Variants in RIOX2 observed in about 807,000 individuals in gnomAD.
RIOX2 encodes ribosomal oxygenase 2.
A neutral mutation model predicts 51.2 loss-of-function variants in RIOX2; 43 were observed. The observed-to-expected ratio is 0.84, with a 90% CI of 0.66 to 1.08. RIOX2 has a LOEUF of 1.08. RIOX2 is among the 50% of genes least tolerant of loss of function. RIOX2 has a pLI of 0.00. For synonymous variants in RIOX2, 226 were observed against 218.5 expected (o/e 1.03, Z -0.30); for missense variants, 566 against 561.7 (o/e 1.01, Z -0.08).
Position 97,959,172 on chromosome 3 carries a change from A to T in RIOX2, c.560T>A (p.Ile187Asn). The change falls in exon 4 of 10, where the codon ATC (isoleucine) becomes AAC (asparagine). Residue 187 changes from isoleucine (I) to asparagine (N), a missense_variant. By Grantham distance (149) the Ile-to-Asn change is moderately radical. Coordinates refer to ENST00000394198, the MANE Select transcript of RIOX2 (RefSeq NM_153182.4). ...GTGTTTCTCTCCCTCCAGCTGCAGG[A>T]TGAAAACCTAGAGACCCACAAGGCC... is the stretch of plus-strand genomic sequence containing the variant. ...PPHYDDVEVF[I>N]LQLEGEKHWR... 1.2e-6 allele frequency: 2 copies of T among 1,613,676 alleles called. No individual in the cohort carries two copies. Among genetic ancestry groups the T allele is most frequent in the Non-Finnish European group, 1.7e-6 (2 of 1,179,808 alleles).
intron 4 of RIOX2, among the ~76,000 whole-genome samples, chr3:97,956,549 T>C (rs1030005095): frequency 2.6e-5 from 4 of 152,006 alleles, no homozygotes; most frequent in Admixed American, 6.6e-5. Context: ...CAGGCTGGAA[T>C]GCAATGGCGT....
Position 97,945,195 on chromosome 3 carries a change from G to GTTT in RIOX2, c.1386_1387insAAA (p.Ile462_Gln463insLys). ...ATTCTGCAAAGGCACTAGACTACTT[G>GTTT]AATTAAACATTCTGTCCAGAGGGAT... On this transcript the variant is annotated inframe_insertion, in exon 10 of 10. Coordinates refer to ENST00000394198, the MANE Select transcript of RIOX2 (RefSeq NM_153182.4). 1 of 1,609,594 alleles carries GTTT rather than the reference G, an allele frequency of 6.2e-7. No individual in the cohort carries two copies. Among genetic ancestry groups the GTTT allele is most frequent in the Non-Finnish European group, 8.5e-7 (1 of 1,177,982 alleles).
intron 8 of RIOX2, 138 bp from the exon 9 acceptor site, chr3:97,946,025 G>C: frequency 1.6e-6 from 1 of 640,988 alleles, no homozygotes; most frequent in Non-Finnish European, 2.7e-6. Context: ...ATTGAATACT[G>C]TAAAGAATCC....
At chr3:97,956,867 A>T (rs1553713726) in intron 4 of RIOX2, among the ~76,000 whole-genome samples, 1 of 152,182 alleles carries the variant, frequency 6.6e-6, no homozygotes, top group Non-Finnish European at 1.5e-5. Context: ...AAATATCATG[A>T]TCTCTGTTTT....
intron 5 of RIOX2, among the ~76,000 whole-genome samples, chr3:97,952,581 T>C (rs539631791): frequency 6.6e-6 from 1 of 152,152 alleles, no homozygotes; most frequent in South Asian, 2.1e-4. Context: ...AGAAAACCAG[T>C]TGGTAGCAGC....
chr3:97,956,497 GA>G (rs1181745819), intron 4 of RIOX2, among the ~76,000 whole-genome samples: 12 of 151,696 alleles, frequency 7.9e-5, no homozygotes, highest in African/African-American at 2.9e-4. Context: ...TGCCTCTAAA[GA>G]TTTTTTTTTT....
intron 2 of RIOX2, among the ~76,000 whole-genome samples, chr3:97,965,864 G>A (rs1705872914): frequency 6.6e-6 from 1 of 152,226 alleles, no homozygotes; most frequent in Non-Finnish European, 1.5e-5. Context: ...TCTTAAAAGT[G>A]CTACTTCTAG....
Position 97,945,861 on chromosome 3 carries a change from G to A in RIOX2, c.1176C>T (p.Tyr392=), listed in dbSNP as rs1402882462. Residue 392 remains tyrosine (Y), a synonymous_variant, in exon 9 of 10, where the codon TAC becomes TAT. Transcript: ENST00000394198. ...TACTATTCTTTAAGGAATGATAGAT[G>A]TACACCATCTTTTCTTGAGCTTCAT... ...QSDEAQEKMV[Y]IYHSLKNSRE... is the part of the protein sequence containing the mutation. 2 of 1,609,418 alleles carry A rather than the reference G, an allele frequency of 1.2e-6. No individual in the cohort carries two copies. The highest frequency in any genetic ancestry group is 3.3e-5 in the Admixed American group (2 of 59,792).
intron 2 of RIOX2, among the ~76,000 whole-genome samples, chr3:97,965,778 G>T (rs1489283175): frequency 2.0e-5 from 3 of 152,150 alleles, no homozygotes; most frequent in African/African-American, 7.2e-5. Context: ...CTCTCTGCTG[G>T]TCTATGACCA....
At chr3:97,950,680 A>G (rs969708225) in intron 6 of RIOX2, 106 bp downstream of exon 6, 8 of 845,314 alleles carry the variant, frequency 9.5e-6, no homozygotes, top group South Asian at 1.5e-5. Context: ...ACAGTAGACA[A>G]GCCTGGCTCA....
chr3:97,954,462 T>C lies in RIOX2; in HGVS notation c.715A>G (p.Ile239Val), dbSNP rs754658266. 1.2e-6 allele frequency: 2 copies of C among 1,614,076 alleles called. No individual in the cohort carries two copies. Among genetic ancestry groups the C allele is most frequent in the Non-Finnish European group, 1.7e-6 (2 of 1,179,972 alleles). Residue 239 changes from isoleucine to valine, a missense_variant, in exon 5 of 10, where the codon ATT becomes GTT. Ile to Val is a conservative substitution (Grantham distance 29). Coordinates refer to ENST00000394198, the MANE Select transcript of RIOX2 (RefSeq NM_153182.4). ...GDLLYFPRGT[I>V]HQADTPAGLA... ...CCCGCAGGAGTGTCCGCTTGATGAA[T>C]GGTTCCTCTGGGAAAGTACAACAAA... is the stretch of plus-strand genomic sequence containing the variant.
At chr3:97,961,498 G>T (rs751129508) in intron 3 of RIOX2, 91 bp downstream of exon 3, 69 of 1,387,610 alleles carry the variant, frequency 5.0e-5, no homozygotes, top group Non-Finnish European at 6.2e-5. Flanking sequence ...GAGCCTTAGA[G>T]AATAATGTGA....
At chr3:97,950,195 C>T (rs832078) in intron 6 of RIOX2, among the ~76,000 whole-genome samples, 180 bp from the exon 7 acceptor site, 23,639 of 152,148 alleles carry the variant, frequency 0.16, 2,081 homozygotes, top group South Asian at 0.28. Flanking sequence ...CTTATAAACA[C>T]TGTTAATTCT....
chr3:97,970,489 T>C (rs888314085), intron 1 of RIOX2, among the ~76,000 whole-genome samples: 3 of 152,170 alleles, frequency 2.0e-5, no homozygotes, highest in African/African-American at 7.2e-5. Context: ...CCTACCACAT[T>C]AAACATACAA....
Position 97,954,389 on chromosome 3 carries a change from T to C in RIOX2, c.785+3A>G. ...GCATGTGCAGCTGGGAGGCAGTGTTTACTTGTTCTGGTAGGTGCTGATGGT... is the reference window on the plus strand; with the variant it reads ...GCATGTGCAGCTGGGAGGCAGTGTTCACTTGTTCTGGTAGGTGCTGATGGT... On this transcript the variant is annotated splice_donor_region_variant and intron_variant, in intron 5 of 9. Transcript: ENST00000394198. 6.2e-7 allele frequency: 1 copy of C among 1,608,122 alleles called. No homozygotes were observed. Among genetic ancestry groups the C allele is most frequent in the African/African-American group, 1.3e-5 (1 of 74,914 alleles).
chr3:97,967,392 T>C lies in RIOX2; in HGVS notation c.202A>G (p.Arg68Gly). 6.2e-7 allele frequency: 1 copy of C among 1,614,162 alleles called. No individual in the cohort carries two copies. Among genetic ancestry groups the C allele is most frequent in the Non-Finnish European group, 8.5e-7 (1 of 1,180,028 alleles). The change falls in exon 2 of 10, where the codon AGA becomes GGA. Residue 68 changes from arginine to glycine, a missense_variant. Transcript: ENST00000394198. The stretch of plus-strand genomic sequence containing the variant: ...TATGTGGCCAGTGCAGGGTCATCTC[T>C]CTGAATGAGAAGGGGCTTCTGCTCC... Reference protein sequence around the residue: ...FWEQKPLLIQRDDPALATYYG... With the variant: ...FWEQKPLLIQGDDPALATYYG...
chr3:97,965,242 T>G (rs1705844004), intron 2 of RIOX2, among the ~76,000 whole-genome samples: 1 of 143,060 alleles, frequency 7.0e-6, no homozygotes, highest in Admixed American at 7.1e-5. Context: ...CCCAGCACAG[T>G]GGCTCACGCC....
chr3:97,958,720 G>T (rs1186598180), intron 4 of RIOX2, among the ~76,000 whole-genome samples: 1 of 152,164 alleles, frequency 6.6e-6, no homozygotes, highest in Non-Finnish European at 1.5e-5. Flanking sequence ...GCTGCCCAAG[G>T]CCAGAGCTTC....
chr3:97,946,602 A>ATATATATATATATATATC (rs1028298878), intron 8 of RIOX2, among the ~76,000 whole-genome samples: 4 of 137,334 alleles, frequency 2.9e-5, no homozygotes, highest in African/African-American at 1.1e-4. Context: ...ATATATATAT[A>ATATATATATATATATATC]TATATCTATT....
Sources: allele counts gnomAD v4.1 joint callset (sites outside exome capture counted in the v4.1 genomes callset), GRCh38; gene constraint gnomAD v4.1.1; transcripts MANE v1.5; gene names NCBI Gene and HGNC (gene_info 2026-07-23, HGNC 2026-07-21).